Variants in ERG observed in about 807,000 individuals in gnomAD.
ERG encodes the protein transcriptional regulator ERG.
ERG carries 9 observed loss-of-function variants against 55.3 expected under a neutral mutation model. The observed-to-expected ratio is 0.16, with a 90% CI of 0.10 to 0.28. The LOEUF (loss-of-function observed/expected upper bound fraction) is 0.28, where lower values mean the gene tolerates loss of function less well. ERG is among the 10% of genes least tolerant of loss of function. The pLI, the probability that ERG is intolerant of heterozygous loss-of-function variation, is 1.00. For synonymous variants in ERG, 223 were observed against 237.3 expected (o/e 0.94, Z 0.55); for missense variants, 434 against 631.6 (o/e 0.69, Z 3.35).
intron 1 of ERG, among the ~76,000 whole-genome samples, chr21:38,490,176 A>C (rs1227681733): frequency 6.6e-6 from 1 of 152,214 alleles, no homozygotes; most frequent in Non-Finnish European, 1.5e-5. Flanking sequence ...AAGAGATAAA[A>C]ACATGTTCAT....
intron 1 of ERG, among the ~76,000 whole-genome samples, chr21:38,453,605 G>T (rs112229964): frequency 3.3e-5 from 5 of 152,034 alleles, no homozygotes; most frequent in Non-Finnish European, 5.9e-5. Context: ...TTTTTTGGCT[G>T]GGTGCAGTGG....
In ERG at chr21:38,580,778, T is replaced by C. The variant is rs541116981; in HGVS notation, c.-127+4066A>G. ...TAACCACATAAAAAAGATGGACTGG[T>C]ACCCAAGGTAGAAGGGAAAATAAGC... On this transcript the variant is annotated intron_variant, in intron 1 of 8. Transcript: ENST00000398897. 5.9e-5 allele frequency among the ~76,000 whole-genome samples: 9 copies of C among 152,334 alleles called. No individual in the cohort carries two copies. The South Asian group carries it at 1.7e-3, about 28-fold the overall frequency.
intron 1 of ERG, among the ~76,000 whole-genome samples, chr21:38,584,439 A>C (rs1035825741): frequency 5.9e-5 from 9 of 152,264 alleles, no homozygotes; most frequent in African/African-American, 2.2e-4. Context: ...ACTGTAAGCC[A>C]AATGTAGTAG....
chr21:38,628,740 C>G (rs939301695), intron 1 of ERG, among the ~76,000 whole-genome samples: 1 of 152,228 alleles, frequency 6.6e-6, no homozygotes, highest in Non-Finnish European at 1.5e-5. Flanking sequence ...GCTACAAGCT[C>G]TCAGAATCAC....
chr21:38,389,093 A>G (rs750629261), intron 9 of ERG, among the ~76,000 whole-genome samples: 19 of 152,190 alleles, frequency 1.2e-4, no homozygotes, highest in Non-Finnish European at 2.6e-4. Flanking sequence ...CTAAGCAGTT[A>G]TGACCCTGAA....
intron 7 of ERG, 45 bp downstream of exon 7, chr21:38,392,331 C>T (rs1988010683): frequency 3.4e-6 from 5 of 1,458,642 alleles, no homozygotes; most frequent in African/African-American, 1.4e-5. Context: ...CAGTCATCCA[C>T]TGCCTGTGAC....
Position 38,423,518 on chromosome 21 carries a change from C to T in ERG, c.280G>A (p.Val94Met), listed in dbSNP as rs1989649499. ...ATCCCAACGGTGTCTGGGCTGCCCA[C>T]CATCTTCCCGCCTTTGGCCACACTG... The part of the protein sequence containing the change: ...ECSVAKGGKM[V>M]GSPDTVGMNY... Residue 94 changes from valine (V) to methionine (M), a missense_variant, in exon 3 of 10, where the codon GTG becomes ATG. Val to Met is a conservative substitution (Grantham distance 21, BLOSUM62 1). This residue lies in a region of ERG where 212 missense variants were observed against 262.9 expected (regional missense o/e 0.81). Transcript: ENST00000288319. 6.2e-7 allele frequency: 1 copy of T among 1,614,018 alleles called. No individual in the cohort carries two copies. The highest frequency in any genetic ancestry group is 1.3e-5 in the African/African-American group (1 of 74,924).
intron 2 of ERG, among the ~76,000 whole-genome samples, chr21:38,517,095 G>A (rs1244430771): frequency 1.3e-5 from 2 of 151,768 alleles, no homozygotes; most frequent in African/African-American, 4.8e-5. Context: ...ACAGGCAAGA[G>A]AAAACAGACA....
At chr21:38,474,318 T>G (rs2059167605) in intron 1 of ERG, among the ~76,000 whole-genome samples, 1 of 151,244 alleles carries the variant, frequency 6.6e-6, no homozygotes, top group Non-Finnish European at 1.5e-5. Flanking sequence ...AGACTGGAAG[T>G]TCATTGCGTG....
At chr21:38,658,227 T>C (rs189679299) in intron 1 of ERG, among the ~76,000 whole-genome samples, 1 of 152,126 alleles carries the variant, frequency 6.6e-6, no homozygotes, top group Admixed American at 6.6e-5. Flanking sequence ...TTCAGAGAGA[T>C]CAGCTGTCAA....
intron 3 of ERG, among the ~76,000 whole-genome samples, chr21:38,408,314 T>C (rs937377667): frequency 6.6e-6 from 1 of 152,176 alleles, no homozygotes; most frequent in South Asian, 2.1e-4. Context: ...TTCCCAACCA[T>C]TCCCCCTCCA....
chr21:38,589,391 T>C (rs374256188), upstream of ERG, among the ~76,000 whole-genome samples: 94 of 152,314 alleles, frequency 6.2e-4, no homozygotes, highest in African/African-American at 2.1e-3. Flanking sequence ...CAGACGTAAC[T>C]GGCTGCCCTT....
At chr21:38,598,918 A>G (rs1344451225) in intron 1 of ERG, among the ~76,000 whole-genome samples, 1 of 152,248 alleles carries the variant, frequency 6.6e-6, no homozygotes, top group Admixed American at 6.5e-5. Flanking sequence ...AGAAAGTTTC[A>G]GAGGCTGTGC....
At chr21:38,473,251 A>G (rs985142123) in intron 1 of ERG, among the ~76,000 whole-genome samples, 20 of 150,940 alleles carry the variant, frequency 1.3e-4, no homozygotes, top group Admixed American at 4.0e-4. Flanking sequence ...GACTCACATC[A>G]CTTCAGCCTC....
At chr21:38,464,077 G>GT (rs573459020) in intron 1 of ERG, among the ~76,000 whole-genome samples, 254 of 148,488 alleles carry the variant, frequency 1.7e-3, no homozygotes, top group Middle Eastern at 7.0e-3. Flanking sequence ...ATGGGTTCAT[G>GT]TTTTTTTTTT....
At chr21:38,577,298 A>G (rs185345285) in intron 1 of ERG, among the ~76,000 whole-genome samples, 1 of 152,248 alleles carries the variant, frequency 6.6e-6, no homozygotes, top group African/African-American at 2.4e-5. Context: ...CTACCTCCAG[A>G]TCTGCATGCT....
chr21:38,474,570 G>C (rs569565008), intron 1 of ERG, among the ~76,000 whole-genome samples: 12 of 152,120 alleles, frequency 7.9e-5, no homozygotes, highest in Non-Finnish European at 1.5e-4. Context: ...GTGCTTTGAG[G>C]GTGTGTTGAA....
At chr21:38,413,171 T>C (rs538221337) in intron 3 of ERG, among the ~76,000 whole-genome samples, 1 of 152,320 alleles carries the variant, frequency 6.6e-6, no homozygotes, top group Admixed American at 6.5e-5. Context: ...CATAAGAATG[T>C]GCTGCTCTGC....
chr21:38,612,547 A>G (rs1468663873), intron 1 of ERG, among the ~76,000 whole-genome samples: 1 of 151,488 alleles, frequency 6.6e-6, no homozygotes, highest in Non-Finnish European at 1.5e-5. Flanking sequence ...ATACCCCCTC[A>G]CCTTTCTCTA....
Sources: gnomAD v4.1 joint callset for allele counts (sites outside exome capture counted in the v4.1 genomes callset) on GRCh38, gnomAD v4.1.1 for gene constraint, gnomAD v4.1.1 regional missense constraint, MANE v1.5 for transcripts, NCBI Gene and HGNC (gene_info 2026-07-23, HGNC 2026-07-21) for gene names.